Variants in CCNDBP1 observed in about 807,000 individuals in gnomAD.
The protein encoded by CCNDBP1 is cyclin D1 binding protein 1.
A neutral mutation model predicts 46.2 loss-of-function variants in CCNDBP1; 45 were observed. The ratio of observed to expected loss-of-function variants is 0.97; its 90% confidence interval spans 0.77 to 1.25. The LOEUF (loss-of-function observed/expected upper bound fraction) is 1.25, where lower values mean the gene tolerates loss of function less well. CCNDBP1 is among the 50% of genes most tolerant of loss of function. The pLI is 0.00. For missense variants in CCNDBP1, 436 were observed against 442.1 expected (o/e 0.99, Z 0.12); for synonymous variants, 154 against 163.6 (o/e 0.94, Z 0.45).
At chr15:43,189,077 C>CAAAAAAAA (rs763476042) in intron 3 of CCNDBP1, 122 bp from the exon 4 acceptor site, 20 of 152,178 alleles carry the variant, frequency 1.3e-4, no homozygotes, top group Admixed American at 4.0e-4. Flanking sequence ...GACTCTGTCT[C>CAAAAAAAA]AAAAAAAAAA....
Position 43,190,138 on chromosome 15 carries a change from A to G in CCNDBP1, c.415A>G (p.Thr139Ala), listed in dbSNP as rs762497477. 5 of 1,613,872 alleles carry G rather than the reference A, an allele frequency of 3.1e-6. No individual in the cohort carries two copies. The South Asian group carries it at 3.3e-5, about 11-fold the overall frequency. Residue 139 changes from threonine to alanine, a missense_variant, in exon 5 of 11, where the codon ACT becomes GCT. Coordinates refer to ENST00000300213, the MANE Select transcript of CCNDBP1 (RefSeq NM_012142.5). The stretch of plus-strand genomic sequence containing the variant: ...TCAGCTCATGGAAGTACTTTCCGTC[A>G]CTCCAACTCAGAGGTAGTGATGCCA... ...MAQLMEVLSV[T>A]PTQSPENNDL...
chr15:43,189,321 C>A, intron 4 of CCNDBP1, 41 bp downstream of exon 4: 2 of 1,162,722 alleles, frequency 1.7e-6, no homozygotes, highest in Non-Finnish European at 2.4e-6. Context: ...TAGATCTTTG[C>A]TAATATTGTG....
In CCNDBP1 at chr15:43,190,371, TG is replaced by T; in HGVS notation, c.476del (p.Cys159SerfsTer17). 6.2e-7 allele frequency: 1 copy of T among 1,614,192 alleles called. No homozygotes were observed. The highest frequency in any genetic ancestry group is 8.5e-7 in the Non-Finnish European group (1 of 1,180,034). ...LISYNSVWVACQQMPQIPRDN... is the reference protein window; with the variant it reads ...LISYNSVWVAXQQMPQIPRDN... The stretch of plus-strand genomic sequence containing the variant: ...TTCCTACAACAGTGTCTGGGTTGCG[TG>T]CCAGCAGATGCCTCAGATACCAAGA... On this transcript the variant is annotated frameshift_variant, in exon 6 of 11. Transcript: ENST00000300213. LOFTEE classifies it high-confidence loss of function.
intron 3 of CCNDBP1, chr15:43,188,648 C>T (rs2041891299): frequency 6.6e-6 from 1 of 152,112 alleles, no homozygotes; most frequent in Non-Finnish European, 1.5e-5. Flanking sequence ...AAGTTTTTTC[C>T]TGCTGTTTCT....
At position 43,190,376 on chromosome 15, in the gene CCNDBP1, G is replaced by A. The variant is rs767533887; in HGVS notation, c.480G>A (p.Gln160=). Residue 160 remains glutamine, a synonymous_variant, in exon 6 of 11, where the codon CAG becomes CAA. Transcript: ENST00000300213. The part of the protein sequence containing the change: ...ISYNSVWVAC[Q]QMPQIPRDNK... ...ACAACAGTGTCTGGGTTGCGTGCCA[G>A]CAGATGCCTCAGATACCAAGAGGTG... is the stretch of plus-strand genomic sequence containing the variant. 1.9e-6 allele frequency: 3 copies of A among 1,614,176 alleles called. No individual in the cohort carries two copies. The South Asian group carries it at 3.3e-5, about 18-fold the overall frequency.
intron 8 of CCNDBP1, among the ~76,000 whole-genome samples, chr15:43,192,520 A>G (rs1422751483): frequency 2.6e-5 from 4 of 152,200 alleles, no homozygotes; most frequent in African/African-American, 9.6e-5. Context: ...GCACCCTACT[A>G]TGAACCAAGG....
Position 43,195,213 on chromosome 15 carries a change from A to G in CCNDBP1, c.*372A>G, listed in dbSNP as rs1275845223. 1 of 164,104 alleles carries G rather than the reference A, an allele frequency of 6.1e-6. No homozygotes were observed. The highest frequency in any genetic ancestry group is 1.3e-5 in the Non-Finnish European group (1 of 76,286). 10.2% of individuals were successfully genotyped at this position (164,104 alleles called of 1,614,324 possible). On this transcript the variant is annotated 3_prime_UTR_variant, in exon 11 of 11. Coordinates refer to ENST00000300213, the MANE Select transcript of CCNDBP1 (RefSeq NM_012142.5). The stretch of plus-strand genomic sequence containing the variant: ...CAGTGATTAAATGAGTGCCCTTCCA[A>G]AGTTTCTTTTTACCAGAAATACAGT...
At chr15:43,194,546 C>G in intron 10 of CCNDBP1, 85 bp downstream of exon 10, 1 of 1,164,502 alleles carries the variant, frequency 8.6e-7, no homozygotes, top group Non-Finnish European at 1.2e-6. Context: ...GCTCCCATTT[C>G]AAGGAGTGGG....
At chr15:43,186,101 G>A in intron 2 of CCNDBP1, 53 bp from the exon 3 acceptor site, 1 of 1,518,630 alleles carries the variant, frequency 6.6e-7, no homozygotes, top group East Asian at 2.3e-5. Context: ...AGTCTTCCAA[G>A]TCCGTGCAGC....
chr15:43,193,652 TAG>T (rs1318419555), intron 9 of CCNDBP1, among the ~76,000 whole-genome samples: 1 of 152,238 alleles, frequency 6.6e-6, no homozygotes, highest in Non-Finnish European at 1.5e-5. Flanking sequence ...TGCCCTTTAC[TAG>T]AGAGAGTTCT....
chr15:43,188,445 G>A (rs2142229416), intron 3 of CCNDBP1: 1 of 152,204 alleles, frequency 6.6e-6, no homozygotes, highest in South Asian at 2.1e-4. Flanking sequence ...TTTAGATTTT[G>A]TAACCAACTA....
intron 8 of CCNDBP1, 102 bp downstream of exon 8, chr15:43,191,777 T>C: frequency 7.3e-7 from 1 of 1,371,138 alleles, no homozygotes; most frequent in African/African-American, 1.4e-5. Context: ...TTTGAAATTT[T>C]TCAAACCTAT....
At chr15:43,194,046 C>CTTT (rs748207621) in intron 9 of CCNDBP1, 601 of 50,092 alleles carry the variant, frequency 0.012, 17 homozygotes, top group East Asian at 0.017. Context: ...TCTTAATGCG[C>CTTT]TTTTTTTTTT....
At chr15:43,192,027 T>A (rs1021966770) in intron 8 of CCNDBP1, among the ~76,000 whole-genome samples, 1 of 152,198 alleles carries the variant, frequency 6.6e-6, no homozygotes, top group African/African-American at 2.4e-5. Context: ...AAATTTGACA[T>A]TGAATATAAT....
At position 43,196,924 on chromosome 15, in the gene CCNDBP1, T is replaced by C. The variant is rs1222710533; in HGVS notation, c.*2083T>C. On this transcript the variant is annotated 3_prime_UTR_variant, in exon 11 of 11. Transcript: ENST00000300213. ...GGGAGGTGTTTGGATCCCTCATGAA[T>C]GGCTTCGTTCCATTGGTGGGGTAAT... is the stretch of plus-strand genomic sequence containing the variant. 1 of 318,258 alleles carries C rather than the reference T, an allele frequency of 3.1e-6. No homozygotes were observed. The highest frequency in any genetic ancestry group is 6.1e-6 in the Non-Finnish European group (1 of 163,172). 19.7% of individuals were successfully genotyped at this position (318,258 alleles called of 1,614,324 possible). A position where few individuals can be genotyped will look rare whatever the true frequency, so the allele number is the denominator to read the frequency against.
chr15:43,191,352 T>C, intron 7 of CCNDBP1, 43 bp from the exon 8 acceptor site: 6 of 1,285,218 alleles, frequency 4.7e-6, no homozygotes, highest in Non-Finnish European at 6.1e-6. Context: ...CCTTTTTTTT[T>C]TTTTTTTTTT....
rs747059948 is a variant in CCNDBP1, at chr15:43,191,690, C to T, written c.860+15C>T. The T allele has an allele frequency of 6.3e-7, 1 of 1,595,690 alleles. No individual in the cohort carries two copies. The highest frequency in any genetic ancestry group is 8.5e-7 in the Non-Finnish European group (1 of 1,176,324). On this transcript the variant is annotated intron_variant, in intron 8 of 10. Coordinates refer to ENST00000300213, the MANE Select transcript of CCNDBP1 (RefSeq NM_012142.5). ...ATCAGCCCTAGGTAAGCGGGATCCC[C>T]ACTTGAAACATCTGAGCAGCAGCGT... is the stretch of plus-strand genomic sequence containing the variant.
intron 3 of CCNDBP1, 104 bp from the exon 4 acceptor site, chr15:43,189,095 A>AAAAAAAAAG: frequency 2.1e-6 from 1 of 475,798 alleles, no homozygotes; most frequent in Non-Finnish European, 3.5e-6. Flanking sequence ...AAAAAAAAAA[A>AAAAAAAAAG]AAAAAAAAAG....
chr15:43,189,459 G>A, intron 4 of CCNDBP1, 179 bp downstream of exon 4: 1 of 511,594 alleles, frequency 2.0e-6, no homozygotes, highest in Non-Finnish European at 3.4e-6. Flanking sequence ...AGATACAGAT[G>A]CTTTGTTCCT....
Sources: gnomAD v4.1 joint callset for allele counts (sites outside exome capture counted in the v4.1 genomes callset) on GRCh38, gnomAD v4.1.1 for gene constraint, MANE v1.5 for transcripts, NCBI Gene and HGNC (gene_info 2026-07-23, HGNC 2026-07-21) for gene names.